TRPM7: variants seen among roughly 807,000 people sequenced by gnomAD.
The protein encoded by TRPM7 is transient receptor potential cation channel subfamily M member 7.
Under a neutral mutation model 229.7 loss-of-function variants are expected in TRPM7, and 134 were observed. That is an observed-to-expected ratio of 0.58 (90% confidence interval 0.51 to 0.67). The LOEUF (loss-of-function observed/expected upper bound fraction) is 0.67. TRPM7 is among the 30% of genes least tolerant of loss of function. TRPM7 has a pLI of 0.00. For missense variants in TRPM7, 1,901 were observed against 2,210.0 expected (o/e 0.86, Z 2.80); for synonymous variants, 699 against 715.2 (o/e 0.98, Z 0.36).
At chr15:50,599,345 G>A (rs2059715805) in intron 21 of TRPM7, 49 bp from the exon 22 acceptor site, 1 of 1,363,022 alleles carries the variant, frequency 7.3e-7, no homozygotes, top group Non-Finnish European at 1.0e-6. Flanking sequence ...TAAACACTAT[G>A]ACAAATCTTT....
chr15:50,672,941 A>G (rs2062022159), intron 1 of TRPM7, among the ~76,000 whole-genome samples: 1 of 148,624 alleles, frequency 6.7e-6, no homozygotes, highest in Admixed American at 6.7e-5. Flanking sequence ...TAGAATAAGT[A>G]TATAAAGAAA....
intron 1 of TRPM7, among the ~76,000 whole-genome samples, chr15:50,668,458 A>G (rs2088075099): frequency 6.6e-6 from 1 of 152,070 alleles, no homozygotes; most frequent in South Asian, 2.1e-4. Flanking sequence ...CCATTTCTCA[A>G]TTTGGAGACT....
chr15:50,594,316 C>CT, intron 24 of TRPM7, 113 bp downstream of exon 24: 1 of 988,260 alleles, frequency 1.0e-6, no homozygotes, highest in Non-Finnish European at 1.5e-6. Context: ...TAACAAAAAT[C>CT]TACCATAACA....
chr15:50,684,587 G>A (rs1049326266), intron 1 of TRPM7, among the ~76,000 whole-genome samples: 1 of 151,894 alleles, frequency 6.6e-6, no homozygotes, highest in African/African-American at 2.4e-5. Context: ...GCTGCAGTCA[G>A]CCGAGATCGC....
In TRPM7 at chr15:50,589,653, T is replaced by G. The variant is rs900580220; in HGVS notation, c.4328A>C (p.His1443Pro). 1 of 1,579,638 alleles carries G rather than the reference T, an allele frequency of 6.3e-7. No homozygotes were observed. The highest frequency in any genetic ancestry group is 1.4e-5 in the African/African-American group (1 of 73,138). Reference sequence around the variant, plus strand: ...CCTCTGTAAATCCATGCTATCTCTGTGTCCTTTAATAGAAAAAAAGATGTT... The same window carrying G: ...CCTCTGTAAATCCATGCTATCTCTGGGTCCTTTAATAGAAAAAAAGATGTT... ...DNTEFGAFVG[H>P]RDSMDLQRFK... Residue 1443 changes from histidine (H) to proline (P), a missense_variant, in exon 27 of 39, where the codon CAC (histidine) becomes CCC (proline). Physicochemically the swap from His to Pro is moderately conservative, Grantham distance 77. Transcript: ENST00000646667.
Position 50,574,429 on chromosome 15 carries a change from GCAAACCA to G in TRPM7, c.5146_5152del (p.Trp1716LeufsTer6). 6.2e-7 allele frequency: 1 copy of G among 1,613,806 alleles called. No individual in the cohort carries two copies. The highest frequency in any genetic ancestry group is 8.5e-7 in the Non-Finnish European group (1 of 1,179,968). On this transcript the variant is annotated frameshift_variant, in exon 36 of 39. Transcript: ENST00000646667. LOFTEE classifies it high-confidence loss of function. The stretch of plus-strand genomic sequence containing the variant: ...TTCTCCAGTCATACATTCTTCCACA[GCAAACCA>G]CTGTCCTGCTGAATGGCAATACAGC...
Position 50,558,800 on chromosome 15 carries a change from G to A in TRPM7, c.*2878C>T, listed in dbSNP as rs1182959114. 1 of 152,038 alleles carries A rather than the reference G, an allele frequency of 6.6e-6. No homozygotes were observed. Among genetic ancestry groups the A allele is most frequent in the East Asian group, 1.9e-4 (1 of 5,180 alleles). The allele number at this position is 152,038 out of a possible 1,614,324, so 9.4% of individuals were successfully genotyped here. On this transcript the variant is annotated 3_prime_UTR_variant, in exon 39 of 39. Transcript: ENST00000646667. The stretch of plus-strand genomic sequence containing the variant: ...TCCACCTAATCAAGAGGCAGTGGCA[G>A]GAGGATTGCTTGAGCCCAGGAGTTT...
intron 2 of TRPM7, among the ~76,000 whole-genome samples, chr15:50,658,269 T>C (rs1254202915): frequency 1.3e-5 from 2 of 152,042 alleles, no homozygotes. Flanking sequence ...CCTCCCAAAG[T>C]GCTAGGATTA....
Position 50,612,605 on chromosome 15 carries a change from T to C in TRPM7, c.1995A>G (p.Glu665=), listed in dbSNP as rs1396244923. 4 of 1,614,046 alleles carry C rather than the reference T, an allele frequency of 2.5e-6. No individual in the cohort carries two copies. Among genetic ancestry groups the C allele is most frequent in the Non-Finnish European group, 3.4e-6 (4 of 1,180,022 alleles). ...ACKIYRSMAY[E]AKQSDLVDDT... The stretch of plus-strand genomic sequence containing the variant: ...CATCTACCAGGTCACTCTGCTTTGC[T>C]TCATATGCCATTGAACGATAGATCT... The change falls in exon 16 of 39, where the codon GAA becomes GAG. Residue 665 remains glutamate (E), a synonymous_variant. Transcript: ENST00000646667.
At position 50,593,645 on chromosome 15, in the gene TRPM7, C is replaced by T; in HGVS notation, c.3580G>A (p.Glu1194Lys). 6.2e-7 allele frequency: 1 copy of T among 1,611,994 alleles called. No homozygotes were observed. Among genetic ancestry groups the T allele is most frequent in the Non-Finnish European group, 8.5e-7 (1 of 1,179,410 alleles). Reference sequence around the variant, plus strand: ...TCAAAAGTGACACGAATTCTCTCTTCACTCCCAGAATGAAATTTGTCATCT... The same window carrying T: ...TCAAAAGTGACACGAATTCTCTCTTTACTCCCAGAATGAAATTTGTCATCT... ...EKDDKFHSGS[E>K]ERIRVTFERV... Residue 1194 changes from glutamate (E) to lysine (K), a missense_variant, in exon 25 of 39, where the codon GAA becomes AAA. Glu to Lys is a moderately conservative substitution (Grantham distance 56). Around this residue, in one of 8 missense-constraint regions of TRPM7, gnomAD observed 533 missense variants for 497.1 expected, o/e 1.07. Transcript: ENST00000646667.
intron 1 of TRPM7, among the ~76,000 whole-genome samples, chr15:50,671,803 C>T (rs1210135583): frequency 1.3e-5 from 2 of 150,262 alleles, no homozygotes; most frequent in African/African-American, 2.4e-5. Flanking sequence ...GAACTTGTCT[C>T]GAAAAAAAAA....
chr15:50,620,108 T>C lies in TRPM7; in HGVS notation c.1441-310A>G, dbSNP rs623652. 0.08 allele frequency among the ~76,000 whole-genome samples: 12,118 copies of C among 152,284 alleles called. 576 individuals are homozygous for C. The highest frequency in any genetic ancestry group is 0.12 in the South Asian group (587 of 4,824). On this transcript the variant is annotated intron_variant, in intron 12 of 38. Coordinates refer to ENST00000646667, the MANE Select transcript of TRPM7 (RefSeq NM_017672.6). Reference sequence around the variant, plus strand: ...ATGGCGCTGTACAATACCTTTCTTCTTGTTAAAATGTCTGTTCCTCTGTTT... The same window carrying C: ...ATGGCGCTGTACAATACCTTTCTTCCTGTTAAAATGTCTGTTCCTCTGTTT...
intron 38 of TRPM7, among the ~76,000 whole-genome samples, chr15:50,562,463 T>G (rs931899008): frequency 5.9e-5 from 9 of 152,088 alleles, no homozygotes; most frequent in Admixed American, 3.9e-4. Context: ...ATGACAGAAT[T>G]ATAAGCAGTA....
At chr15:50,662,701 AC>A (rs2061759822) in intron 2 of TRPM7, among the ~76,000 whole-genome samples, 1 of 152,166 alleles carries the variant, frequency 6.6e-6, no homozygotes, top group African/African-American at 2.4e-5. Flanking sequence ...AAAACACTAC[AC>A]TATGATCTGA....
chr15:50,613,710 T>C lies in TRPM7; in HGVS notation c.1767A>G (p.Pro589=), dbSNP rs1472704075. The part of the protein sequence containing the change: ...HFIKTAQPYR[P]KIDTVMEEGK... ...AATAATATTTAAATAAATTTACCTT[T>C]GGTCGGTAGGGCTGTGCTGTCTTAA... The change falls in exon 15 of 39, where the codon CCA becomes CCG. Residue 589 remains proline (P), a synonymous_variant. Coordinates refer to ENST00000646667, the MANE Select transcript of TRPM7 (RefSeq NM_017672.6). 6.4e-7 allele frequency: 1 copy of C among 1,561,374 alleles called. No homozygotes were observed. The highest frequency in any genetic ancestry group is 8.6e-7 in the Non-Finnish European group (1 of 1,159,846).
chr15:50,629,809 C>T (rs900426260), intron 10 of TRPM7, among the ~76,000 whole-genome samples: 1 of 148,892 alleles, frequency 6.7e-6, no homozygotes, highest in African/African-American at 2.5e-5. Flanking sequence ...GGTTAATACA[C>T]AGAAAAGTAC....
chr15:50,613,665 G>T, intron 15 of TRPM7, 42 bp downstream of exon 15: 1 of 1,452,200 alleles, frequency 6.9e-7, no homozygotes, highest in Non-Finnish European at 9.1e-7. Context: ...TTAGAAAGAA[G>T]AAAATAAAAA....
In TRPM7 at chr15:50,663,001, C is replaced by T. The variant is rs2061772760; in HGVS notation, c.49G>A (p.Val17Ile). Residue 17 changes from valine (V) to isoleucine (I), a missense_variant, in exon 2 of 39, where the codon GTA becomes ATA. Val to Ile is a conservative substitution (Grantham distance 29, BLOSUM62 3). Coordinates refer to ENST00000646667, the MANE Select transcript of TRPM7 (RefSeq NM_017672.6). ...TCCTTGGAACTTGGTATAATATATA[C>T]ACATTCCCTCTTGGTCAAAGTGCTT... ...IESTLTKREC[V>I]YIIPSSKDPH... 5.6e-6 allele frequency: 9 copies of T among 1,613,846 alleles called. No individual in the cohort carries two copies. In the East Asian group the frequency reaches 2.0e-4, roughly 36 times the overall value.
intron 27 of TRPM7, among the ~76,000 whole-genome samples, chr15:50,589,319 CAAAAAAAAAAAA>C (rs34653276): frequency 1.2e-5 from 1 of 81,616 alleles, no homozygotes; most frequent in East Asian, 4.0e-4. Flanking sequence ...GACTCCGTCT[CAAAAAAAAAAAA>C]AAAAAAAAAA....
Sources: gnomAD v4.1 joint callset for allele counts (sites outside exome capture counted in the v4.1 genomes callset) on GRCh38, gnomAD v4.1.1 for gene constraint, gnomAD v4.1.1 regional missense constraint, MANE v1.5 for transcripts, NCBI Gene and HGNC (gene_info 2026-07-23, HGNC 2026-07-21) for gene names.